The following FAM241A variants were observed in gnomAD, a reference collection of about 807,000 sequenced individuals.
FAM241A encodes the protein family with sequence similarity 241 member A.
Under a neutral mutation model 12.2 loss-of-function variants are expected in FAM241A, and 7 were observed. The observed-to-expected ratio is 0.58, with a 90% CI of 0.33 to 1.08. The LOEUF (loss-of-function observed/expected upper bound fraction) is 1.08. FAM241A is among the 50% of genes least tolerant of loss of function. FAM241A has a pLI of 0.04. For missense variants in FAM241A, 161 were observed against 169.7 expected, an observed-to-expected ratio of 0.95 and a Z score of 0.29; for synonymous variants, 74 against 68.2, an observed-to-expected ratio of 1.08 and a Z score of -0.42.
At chr4:112,159,966 T>C (rs1378234138) in intron 1 of FAM241A, among the ~76,000 whole-genome samples, 1 of 152,184 alleles carries the variant, frequency 6.6e-6, no homozygotes, top group Non-Finnish European at 1.5e-5. Context: ...GGCATCCAGA[T>C]TGGAAAGGAA....
chr4:112,157,663 C>G (rs771086354), intron 1 of FAM241A, among the ~76,000 whole-genome samples: 13 of 152,004 alleles, frequency 8.6e-5, no homozygotes, highest in Non-Finnish European at 1.6e-4. Flanking sequence ...AAATCGATTT[C>G]TTTTTGACAT....
Position 112,145,731 on chromosome 4 carries a change from CA to C in FAM241A, c.152del (p.Gln51ArgfsTer28). The part of the protein sequence containing the change: ...RRGQRPKESE[Q>X]DVEDSQNHTG... ...CGGACAGCGGCCGAAGGAGAGCGAG[CA>C]GGTGAGCGCGGGGAGGGGCGGCGGC... On this transcript the variant is annotated frameshift_variant and splice_region_variant, in exon 1 of 2. Transcript: ENST00000309733. LOFTEE classifies it high-confidence loss of function. 1 of 1,187,244 alleles carries C rather than the reference CA, an allele frequency of 8.4e-7. No individual in the cohort carries two copies. Among genetic ancestry groups the C allele is most frequent in the Non-Finnish European group, 1.0e-6 (1 of 959,566 alleles). The allele number at this position is 1,187,244 out of a possible 1,614,324, so 73.5% of individuals were successfully genotyped here.
At chr4:112,180,658 C>G (rs929607330) in intron 1 of FAM241A, among the ~76,000 whole-genome samples, 1 of 151,726 alleles carries the variant, frequency 6.6e-6, no homozygotes, top group African/African-American at 2.4e-5. Flanking sequence ...AAAAAAAAAA[C>G]TTTTTTTCAC....
chr4:112,158,927 A>AT (rs1367995441), intron 1 of FAM241A, among the ~76,000 whole-genome samples: 1 of 151,962 alleles, frequency 6.6e-6, no homozygotes, highest in East Asian at 1.9e-4. Flanking sequence ...TGAACACTAG[A>AT]TTTTTTCTGA....
At chr4:112,172,566 A>G (rs2110430400) in intron 1 of FAM241A, among the ~76,000 whole-genome samples, 1 of 152,324 alleles carries the variant, frequency 6.6e-6, no homozygotes, top group South Asian at 2.1e-4. Flanking sequence ...GTTTATGACC[A>G]AATTGACCTT....
At chr4:112,182,443 G>C (rs890764019) in intron 1 of FAM241A, among the ~76,000 whole-genome samples, 5 of 151,512 alleles carry the variant, frequency 3.3e-5, no homozygotes, top group Non-Finnish European at 7.4e-5. Context: ...TTACCCACTT[G>C]CAATATATTT....
chr4:112,171,886 AT>A (rs1723730064), intron 1 of FAM241A, among the ~76,000 whole-genome samples: 2 of 152,056 alleles, frequency 1.3e-5, no homozygotes, highest in African/African-American at 4.8e-5. Context: ...ACAAAAAAAA[AT>A]CTTGAGTTTA....
chr4:112,153,943 T>C (rs1465692924), intron 1 of FAM241A, among the ~76,000 whole-genome samples: 1 of 152,230 alleles, frequency 6.6e-6, no homozygotes, highest in East Asian at 1.9e-4. Context: ...AATATCTGTG[T>C]TTGAGAATTT....
intron 1 of FAM241A, among the ~76,000 whole-genome samples, chr4:112,166,800 C>T (rs185143146): frequency 1.7e-4 from 26 of 152,226 alleles, no homozygotes; most frequent in African/African-American, 5.8e-4. Context: ...ATCAAAATTA[C>T]AAGGATTTTT....
intron 1 of FAM241A, among the ~76,000 whole-genome samples, chr4:112,161,395 A>C (rs1723465571): frequency 6.6e-6 from 1 of 152,182 alleles, no homozygotes; most frequent in Non-Finnish European, 1.5e-5. Context: ...AAAGATCAAC[A>C]AAATTGATAG....
chr4:112,175,072 CTAT>C (rs1190729374), intron 1 of FAM241A, among the ~76,000 whole-genome samples: 2 of 152,036 alleles, frequency 1.3e-5, no homozygotes, highest in Non-Finnish European at 2.9e-5. Flanking sequence ...TTAGTGGTAG[CTAT>C]TATTATTATC....
intron 1 of FAM241A, 21 bp from the exon 2 acceptor site, chr4:112,186,672 T>TC: frequency 6.4e-7 from 1 of 1,571,474 alleles, no homozygotes; most frequent in Non-Finnish European, 8.6e-7. Context: ...TCATGTTTTG[T>TC]CTTTTTTTTT....
intron 1 of FAM241A, among the ~76,000 whole-genome samples, chr4:112,166,921 C>T (rs369700628): frequency 0.38 from 48,559 of 126,416 alleles, 9,803 homozygotes; most frequent in East Asian, 0.58. Flanking sequence ...GAGACCATCC[C>T]GGCTAAAATG....
intron 1 of FAM241A, among the ~76,000 whole-genome samples, chr4:112,164,062 A>G (rs1369024404): frequency 6.6e-6 from 1 of 151,820 alleles, no homozygotes; most frequent in Admixed American, 6.6e-5. Flanking sequence ...GGAATTGAAC[A>G]ATGAGAACCC....
intron 1 of FAM241A, among the ~76,000 whole-genome samples, chr4:112,150,730 G>C (rs1723230458): frequency 1.3e-5 from 2 of 152,178 alleles, no homozygotes; most frequent in African/African-American, 4.8e-5. Flanking sequence ...GGGTTACCTG[G>C]GTTTGCCTTT....
chr4:112,148,557 G>A (rs551590526), intron 1 of FAM241A, among the ~76,000 whole-genome samples: 2 of 152,274 alleles, frequency 1.3e-5, no homozygotes, highest in South Asian at 4.1e-4. Flanking sequence ...TAAGAAAGGA[G>A]GCCTTGGGAG....
intron 1 of FAM241A, among the ~76,000 whole-genome samples, chr4:112,175,062 T>A (rs552157174): frequency 6.6e-6 from 1 of 152,300 alleles, no homozygotes; most frequent in East Asian, 1.9e-4. Flanking sequence ...TGAATTCTGA[T>A]TAGTGGTAGC....
chr4:112,164,414 A>G (rs1578373383), intron 1 of FAM241A, among the ~76,000 whole-genome samples: 1 of 151,884 alleles, frequency 6.6e-6, no homozygotes, highest in East Asian at 1.9e-4. Flanking sequence ...ACACTTGGAC[A>G]CAAGGTGGGG....
rs1273483220 is a variant in FAM241A at position 112,192,404 on chromosome 4, G to C, written c.*5466G>C. On this transcript the variant is annotated 3_prime_UTR_variant, in exon 2 of 2. Transcript: ENST00000309733. ...GTACATGTGTACAATGTGCAGGTTA[G>C]TTACATATGTATACATGTGCCATGC... is the stretch of plus-strand genomic sequence containing the variant. 1 of 151,750 alleles carries C rather than the reference G, an allele frequency of 6.6e-6. No homozygotes were observed. The highest frequency in any genetic ancestry group is 1.5e-5 in the Non-Finnish European group (1 of 67,978). 9.4% of individuals were successfully genotyped at this position (151,750 alleles called of 1,614,324 possible).
Sources: allele counts gnomAD v4.1 joint callset (sites outside exome capture counted in the v4.1 genomes callset), GRCh38; gene constraint gnomAD v4.1.1; transcripts MANE v1.5; gene names NCBI Gene and HGNC (gene_info 2026-07-23, HGNC 2026-07-21).